Variants in DLEU7 observed in about 807,000 individuals in gnomAD.
DLEU7 encodes leukemia-associated protein 7.
In DLEU7, 17 loss-of-function variants were observed where a neutral mutation model predicts 16.0. The observed-to-expected ratio is 1.06, with a 90% CI of 0.73 to 1.59. DLEU7 has a LOEUF of 1.59. Among genes scored for constraint, DLEU7 ranks in the 40% most tolerant of loss-of-function variants. The pLI is 0.00. For missense variants in DLEU7, 308 were observed against 314.9 expected (o/e 0.98, Z 0.17); for synonymous variants, 113 against 139.8 (o/e 0.81, Z 1.35).
intron 1 of DLEU7, among the ~76,000 whole-genome samples, chr13:50,743,455 T>TAA (rs1396013202): frequency 6.6e-6 from 1 of 152,218 alleles, no homozygotes; most frequent in Non-Finnish European, 1.5e-5. Context: ...CCTGGCTCTA[T>TAA]TCTTTACAGC....
chr13:50,713,112 A>G, exon 2 of DLEU7: 1 of 1,342,920 alleles, frequency 7.4e-7, no homozygotes, highest in Non-Finnish European at 1.0e-6. Flanking sequence ...TGGTAATAAG[A>G]AGTGGTTTAA....
intron 1 of DLEU7, among the ~76,000 whole-genome samples, chr13:50,741,172 T>C (rs1303863156): frequency 1.3e-5 from 2 of 152,200 alleles, no homozygotes; most frequent in Admixed American, 1.3e-4. Flanking sequence ...TGTAGAATTA[T>C]TTTGTTTTCC....
At chr13:50,823,608 C>A (rs1053875042) in intron 1 of DLEU7, 88 bp from the exon 2 acceptor site, 83 of 1,448,904 alleles carry the variant, frequency 5.7e-5, no homozygotes, top group Non-Finnish European at 7.0e-5. Context: ...CCATTCTTTT[C>A]TCTTCTGGTG....
intron 1 of DLEU7, among the ~76,000 whole-genome samples, chr13:50,842,764 C>T (rs553106069): frequency 1.3e-5 from 2 of 152,268 alleles, no homozygotes; most frequent in African/African-American, 4.8e-5. Context: ...TTTCATCATA[C>T]AAAAGGCAGA....
At chr13:50,764,506 G>A (rs17074908) in intron 1 of DLEU7, among the ~76,000 whole-genome samples, 1,592 of 152,286 alleles carry the variant, frequency 0.01, 20 homozygotes, top group African/African-American at 0.032. Flanking sequence ...CAATGAGAAC[G>A]CAGTGAGTCA....
intron 1 of DLEU7, among the ~76,000 whole-genome samples, chr13:50,793,082 A>G (rs755687993): frequency 2.0e-5 from 3 of 151,840 alleles, no homozygotes; most frequent in Non-Finnish European, 4.4e-5. Flanking sequence ...TTTTGTGTCC[A>G]TATGTACCCA....
At chr13:50,740,730 A>T (rs1266580655) in intron 1 of DLEU7, among the ~76,000 whole-genome samples, 1 of 152,196 alleles carries the variant, frequency 6.6e-6, no homozygotes, top group Admixed American at 6.5e-5. Flanking sequence ...GAACTTTCAC[A>T]GATGCAAACA....
At chr13:50,732,390 C>T (rs1873935351) in intron 1 of DLEU7, among the ~76,000 whole-genome samples, 2 of 152,024 alleles carry the variant, frequency 1.3e-5, no homozygotes, top group Admixed American at 1.3e-4. Context: ...GTGGGCTAAT[C>T]ATGAGGTCAG....
chr13:50,759,212 A>G (rs1373356409), intron 1 of DLEU7, among the ~76,000 whole-genome samples: 2 of 152,150 alleles, frequency 1.3e-5, no homozygotes, highest in East Asian at 1.9e-4. Context: ...CTAGTCTATC[A>G]GCTTCATTTA....
Position 50,737,461 on chromosome 13 carries a change from T to C in DLEU7, c.460-24221A>G, listed in dbSNP as rs1874106552. Among the ~76,000 whole-genome samples, 2 of 152,196 alleles carry C rather than the reference T, an allele frequency of 1.3e-5. 1 individual carries two copies. The highest frequency in any genetic ancestry group is 4.8e-5 in the African/African-American group (2 of 41,452). ...GCATCAGCAAGTCTATTGGAGCCAT[T>C]TTCTCAACAGCGTGTGCTTGTTTTG... On this transcript the variant is annotated intron_variant, in intron 1 of 1. Coordinates refer to the DLEU7 transcript ENST00000400393.
intron 1 of DLEU7, among the ~76,000 whole-genome samples, chr13:50,764,755 A>G (rs1416125661): frequency 1.3e-5 from 2 of 152,224 alleles, no homozygotes; most frequent in African/African-American, 4.8e-5. Flanking sequence ...TCACTCCATC[A>G]GATAGTCCAT....
At chr13:50,737,081 C>T (rs972892526) in intron 1 of DLEU7, among the ~76,000 whole-genome samples, 7 of 152,034 alleles carry the variant, frequency 4.6e-5, no homozygotes, top group Non-Finnish European at 1.0e-4. Context: ...CAATCTCATA[C>T]AAAATCTCTC....
chr13:50,721,980 C>T (rs112474676), intron 1 of DLEU7, among the ~76,000 whole-genome samples: 2,500 of 152,188 alleles, frequency 0.016, 63 homozygotes, highest in African/African-American at 0.056. Context: ...CCAGACAACC[C>T]TTTTGAAGAG....
intron 1 of DLEU7, among the ~76,000 whole-genome samples, chr13:50,836,210 A>G (rs1233495539): frequency 1.3e-5 from 2 of 152,128 alleles, no homozygotes; most frequent in East Asian, 3.9e-4. Flanking sequence ...TGGCCTCCAC[A>G]AGCTTGTTTC....
intron 1 of DLEU7, among the ~76,000 whole-genome samples, chr13:50,748,481 A>T (rs1038065443): frequency 3.9e-5 from 6 of 152,174 alleles, no homozygotes; most frequent in African/African-American, 1.2e-4. Context: ...TTAAAAGTCC[A>T]TGTCTAGAAA....
chr13:50,833,441 T>C (rs1367518123), intron 1 of DLEU7, among the ~76,000 whole-genome samples: 3 of 152,152 alleles, frequency 2.0e-5, no homozygotes, highest in Non-Finnish European at 2.9e-5. Context: ...CCATTCACAA[T>C]TGCAACAAAG....
At chr13:50,782,738 A>G (rs1452858285) in intron 1 of DLEU7, among the ~76,000 whole-genome samples, 4 of 151,796 alleles carry the variant, frequency 2.6e-5, no homozygotes, top group Non-Finnish European at 5.9e-5. Flanking sequence ...TTTGAATAAA[A>G]ATGTGAATTC....
At chr13:50,801,228 G>A (rs115727817) in intron 1 of DLEU7, among the ~76,000 whole-genome samples, 2,440 of 152,034 alleles carry the variant, frequency 0.016, 35 homozygotes, top group South Asian at 0.039. Flanking sequence ...ATTTGGGAGG[G>A]GAGTCGGTTT....
chr13:50,745,321 T>C (rs915788284), intron 1 of DLEU7, among the ~76,000 whole-genome samples: 3 of 152,104 alleles, frequency 2.0e-5, no homozygotes, highest in African/African-American at 7.2e-5. Flanking sequence ...GAAAAACAAA[T>C]ACTGTTTCAT....
Sources: allele counts gnomAD v4.1 joint callset (sites outside exome capture counted in the v4.1 genomes callset), GRCh38; gene constraint gnomAD v4.1.1; transcripts MANE v1.5; gene names NCBI Gene and HGNC (gene_info 2026-07-23, HGNC 2026-07-21).